WWP2: variants seen among roughly 807,000 people sequenced by gnomAD.
WWP2 encodes the protein WW domain containing E3 ubiquitin protein ligase 2, also known as NEDD4-like E3 ubiquitin-protein ligase WWP2.
A neutral mutation model predicts 121.0 loss-of-function variants in WWP2; 57 were observed. The observed-to-expected ratio is 0.47, with a 90% CI of 0.38 to 0.59. The LOEUF (loss-of-function observed/expected upper bound fraction) is 0.59. Ranked by LOEUF, WWP2 falls within the 20% of genes least tolerant of loss-of-function variation. The pLI is 0.00. For missense variants in WWP2, 962 were observed against 1,158.9 expected, an observed-to-expected ratio of 0.83 and a Z score of 2.47; for synonymous variants, 449 against 441.3, an observed-to-expected ratio of 1.02 and a Z score of -0.22.
intron 4 of WWP2, among the ~76,000 whole-genome samples, chr16:69,817,784 G>C (rs372722256): frequency 1.2e-4 from 18 of 149,294 alleles, no homozygotes; most frequent in African/African-American, 4.2e-4. Flanking sequence ...TCAGCCTTCC[G>C]AGTAGCTGAG....
intron 8 of WWP2, among the ~76,000 whole-genome samples, chr16:69,892,030 C>T (rs555104920): frequency 6.6e-6 from 1 of 152,336 alleles, no homozygotes; most frequent in Non-Finnish European, 1.5e-5. Flanking sequence ...CTCCACCATA[C>T]TCTAGGTGCC....
At chr16:69,795,195 C>T (rs1286375709) in intron 2 of WWP2, among the ~76,000 whole-genome samples, 1 of 152,038 alleles carries the variant, frequency 6.6e-6, no homozygotes, top group Non-Finnish European at 1.5e-5. Context: ...GTGATCGTGC[C>T]ACTGCACTCC....
At chr16:69,831,083 A>G (rs1237803876) in intron 4 of WWP2, among the ~76,000 whole-genome samples, 1 of 152,220 alleles carries the variant, frequency 6.6e-6, no homozygotes, top group Non-Finnish European at 1.5e-5. Flanking sequence ...GGCTTGTTTC[A>G]CTAAGCAGGT....
intron 1 of WWP2, among the ~76,000 whole-genome samples, chr16:69,786,407 G>A (rs2055790671): frequency 6.6e-6 from 1 of 150,420 alleles, no homozygotes; most frequent in African/African-American, 2.5e-5. Flanking sequence ...CAAAGTGCTG[G>A]GGATTACAGG....
At chr16:69,901,178 C>T (rs1470030277) in intron 8 of WWP2, among the ~76,000 whole-genome samples, 1 of 152,098 alleles carries the variant, frequency 6.6e-6, no homozygotes, top group South Asian at 2.1e-4. Flanking sequence ...TGGTTCTCCC[C>T]GGAAGTGGCC....
intron 4 of WWP2, among the ~76,000 whole-genome samples, chr16:69,804,596 A>G (rs2151821795): frequency 6.6e-6 from 1 of 152,300 alleles, no homozygotes; most frequent in Non-Finnish European, 1.5e-5. Flanking sequence ...ATTATGTTTT[A>G]ATATCTGGCA....
chr16:69,898,571 A>G (rs759595712), intron 8 of WWP2, among the ~76,000 whole-genome samples: 1 of 152,154 alleles, frequency 6.6e-6, no homozygotes, highest in African/African-American at 2.4e-5. Flanking sequence ...TACTATTGAG[A>G]TTGAACCTCT....
At chr16:69,932,991 G>C in intron 16 of WWP2, 1 of 471,128 alleles carries the variant, frequency 2.1e-6, no homozygotes, top group Non-Finnish European at 4.4e-6. Context: ...TGCCTTCTGC[G>C]CTGGCCCCGT....
At chr16:69,931,264 G>A (rs1379907932) in intron 14 of WWP2, 37 bp downstream of exon 14, 3 of 1,610,736 alleles carry the variant, frequency 1.9e-6, no homozygotes, top group East Asian at 2.2e-5. Flanking sequence ...GGCAGTTGGG[G>A]TTATTGAGTT....
chr16:69,877,691 C>G (rs1187162130), intron 7 of WWP2, among the ~76,000 whole-genome samples: 1 of 151,910 alleles, frequency 6.6e-6, no homozygotes, highest in African/African-American at 2.4e-5. Context: ...ATGACTCTTC[C>G]TTTTGCTTGA....
At position 69,820,554 on chromosome 16, in the gene WWP2, TA is replaced by T. The variant is rs34777921; in HGVS notation, c.341-19557del. 4.2e-3 allele frequency among the ~76,000 whole-genome samples: 487 copies of T among 116,462 alleles called. 10 individuals carry two copies. Among genetic ancestry groups the T allele is most frequent in the Middle Eastern group, 0.014 (3 of 218 alleles). The allele number at this position is 116,462 out of a possible 152,430, so 76.4% of individuals were successfully genotyped here. ...CCACCGCTCTTGGCCCCCTGTCTCTTAAAAAAAAAAAAAAATAGGACCACAC... is the reference window on the plus strand; with the variant it reads ...CCACCGCTCTTGGCCCCCTGTCTCTTAAAAAAAAAAAAAATAGGACCACAC... On this transcript the variant is annotated intron_variant, in intron 4 of 23. Transcript: ENST00000359154.
At chr16:69,813,265 C>T (rs1008712884) in intron 4 of WWP2, among the ~76,000 whole-genome samples, 11 of 151,490 alleles carry the variant, frequency 7.3e-5, no homozygotes, top group Non-Finnish European at 7.4e-5. Context: ...TGGGTTCAAG[C>T]GATTCTCCTG....
At chr16:69,900,758 A>T (rs2058191066) in intron 8 of WWP2, among the ~76,000 whole-genome samples, 4 of 152,124 alleles carry the variant, frequency 2.6e-5, no homozygotes, top group Admixed American at 2.0e-4. Flanking sequence ...TCTTGACCTC[A>T]GGTGATCTGC....
chr16:69,929,485 C>A lies in WWP2; in HGVS notation c.1272C>A (p.Asn424Lys). 1 of 1,614,124 alleles carries A rather than the reference C, an allele frequency of 6.2e-7. No homozygotes were observed. Among genetic ancestry groups the A allele is most frequent in the Non-Finnish European group, 8.5e-7 (1 of 1,180,006 alleles). ...ACAATGGACGGGTGTATTACGTGAACCATAACACTCGCACGACCCAGTGGG... is the reference window on the plus strand; with the variant it reads ...ACAATGGACGGGTGTATTACGTGAAACATAACACTCGCACGACCCAGTGGG... ...RQDNGRVYYVNHNTRTTQWED... is the reference protein window; with the variant it reads ...RQDNGRVYYVKHNTRTTQWED... The change falls in exon 12 of 24, where the codon AAC (asparagine) becomes AAA (lysine). Residue 424 changes from asparagine to lysine, a missense_variant. This residue lies in a region of WWP2 where 606 missense variants were observed against 772.6 expected (regional missense o/e 0.78). Transcript: ENST00000359154.
intron 7 of WWP2, among the ~76,000 whole-genome samples, chr16:69,883,437 C>A (rs1307893590): frequency 6.6e-6 from 1 of 150,648 alleles, no homozygotes; most frequent in Non-Finnish European, 1.5e-5. Flanking sequence ...CTCATTTACT[C>A]CTACTTTTTG....
chr16:69,872,826 T>G (rs916923456), intron 7 of WWP2, among the ~76,000 whole-genome samples: 9 of 152,212 alleles, frequency 5.9e-5, no homozygotes, highest in African/African-American at 2.2e-4. Context: ...TCCCCGTAAG[T>G]GAGACGGGAA....
intron 4 of WWP2, among the ~76,000 whole-genome samples, chr16:69,808,561 G>A (rs992138921): frequency 1.3e-5 from 2 of 152,068 alleles, no homozygotes; most frequent in South Asian, 4.1e-4. Flanking sequence ...GCCACCATGC[G>A]TGGCTAATTT....
intron 1 of WWP2, among the ~76,000 whole-genome samples, chr16:69,765,599 G>A (rs531792449): frequency 1.3e-5 from 2 of 152,122 alleles, no homozygotes; most frequent in East Asian, 3.9e-4. Flanking sequence ...TGAGACGGGC[G>A]GATCACTTGA....
In WWP2 at chr16:69,793,911, C is replaced by CTTTTTTTTTT. The variant is rs71151135; in HGVS notation, c.71-4755_71-4746dup. Among the ~76,000 whole-genome samples the CTTTTTTTTTT allele has an allele frequency of 1.6e-4, 10 of 62,312 alleles. 1 individual carries two copies. Among genetic ancestry groups the CTTTTTTTTTT allele is most frequent in the Non-Finnish European group, 2.0e-4 (7 of 34,968 alleles). The allele number at this position is 62,312 out of a possible 152,430, so 40.9% of individuals were successfully genotyped here. ...TTGGGAAGGGCTGTTATTATCCTTG[C>CTTTTTTTTTT]TTTTTTTTTTTTTTTTTTTTTTTTT... On this transcript the variant is annotated intron_variant, in intron 2 of 23. Coordinates refer to ENST00000359154, the MANE Select transcript of WWP2 (RefSeq NM_001270454.2).
Sources: allele counts gnomAD v4.1 joint callset (sites outside exome capture counted in the v4.1 genomes callset), GRCh38; gene constraint gnomAD v4.1.1; regional missense constraint gnomAD v4.1.1; transcripts MANE v1.5; gene names NCBI Gene and HGNC (gene_info 2026-07-23, HGNC 2026-07-21).